Variants in SLC22A23 observed in about 807,000 individuals in gnomAD.
SLC22A23 encodes solute carrier family 22 member 23, also known as ion transporter protein.
SLC22A23 carries 26 observed loss-of-function variants against 61.0 expected under a neutral mutation model. That is an observed-to-expected ratio of 0.43 (90% CI 0.31 to 0.59). SLC22A23 has a LOEUF of 0.59. Ranked by LOEUF, SLC22A23 falls within the 20% of genes least tolerant of loss-of-function variation. The pLI is 0.11. For missense variants in SLC22A23, 796 were observed against 934.7 expected (o/e 0.85, Z 1.94); for synonymous variants, 430 against 413.9 (o/e 1.04, Z -0.47).
At position 3,269,340 on chromosome 6, in the gene SLC22A23, G is replaced by GCT. The variant is rs1758326495; in HGVS notation, c.*3714_*3715insAG. ...GACACAGCTTACAGAGGCGTTCAAAGTAGTGACGCAGTGAGGTCTGAATGA... is the reference window on the plus strand; with the variant it reads ...GACACAGCTTACAGAGGCGTTCAAAGCTTAGTGACGCAGTGAGGTCTGAATGA... On this transcript the variant is annotated 3_prime_UTR_variant, in exon 10 of 10. Coordinates refer to ENST00000406686, the MANE Select transcript of SLC22A23 (RefSeq NM_015482.2). 6.6e-6 allele frequency: 1 copy of GCT among 152,376 alleles called. No homozygotes were observed. Among genetic ancestry groups the GCT allele is most frequent in the Admixed American group, 6.5e-5 (1 of 15,284 alleles). 9.4% of individuals were successfully genotyped at this position (152,376 alleles called of 1,614,324 possible). A position where few individuals can be genotyped will look rare whatever the true frequency, so the allele number is the denominator to read the frequency against.
chr6:3,315,789 A>G (rs550996135), intron 4 of SLC22A23, among the ~76,000 whole-genome samples: 1 of 152,132 alleles, frequency 6.6e-6, no homozygotes, highest in African/African-American at 2.4e-5. Context: ...GCGTGAACCC[A>G]GGAGGCAGAG....
intron 3 of SLC22A23, among the ~76,000 whole-genome samples, chr6:3,359,309 G>A (rs1379442387): frequency 1.3e-5 from 2 of 152,190 alleles, no homozygotes; most frequent in African/African-American, 4.8e-5. Flanking sequence ...AGCTGGTGTT[G>A]CCACGTTTAT....
chr6:3,432,922 C>A (rs1770963423), intron 1 of SLC22A23, among the ~76,000 whole-genome samples: 1 of 152,184 alleles, frequency 6.6e-6, no homozygotes. Flanking sequence ...AGGGAACGTA[C>A]AATTCTGCAG....
intron 1 of SLC22A23, among the ~76,000 whole-genome samples, chr6:3,421,385 T>C (rs1417103618): frequency 6.6e-6 from 1 of 152,214 alleles, no homozygotes; most frequent in African/African-American, 2.4e-5. Context: ...TCACTGTTTG[T>C]AACTTATCAG....
At chr6:3,276,762 G>T (rs1260850345) in intron 9 of SLC22A23, 1 of 152,250 alleles carries the variant, frequency 6.6e-6, no homozygotes, top group African/African-American at 2.4e-5. Flanking sequence ...TATTCCATTA[G>T]ATGATTGTCA....
intron 1 of SLC22A23, among the ~76,000 whole-genome samples, chr6:3,436,312 T>A (rs1771208651): frequency 6.6e-6 from 1 of 152,126 alleles, no homozygotes. Context: ...TTTTTTGTAT[T>A]CTTAGTAGAG....
Position 3,324,049 on chromosome 6 carries a change from G to A in SLC22A23, c.914-47C>T, listed in dbSNP as rs908431655. On this transcript the variant is annotated intron_variant, in intron 3 of 9. Transcript: ENST00000406686. The surrounding 1 kb of genome is among the most constrained non-coding windows in gnomAD (Gnocchi z 4.3). The stretch of plus-strand genomic sequence containing the variant: ...AGAGAGATGAGTGCCCTGCTCGACA[G>A]CCCGAGAAGTCCTGGGTGCACCTGG... The A allele has an allele frequency of 6.3e-7, 1 of 1,596,676 alleles. No individual in the cohort carries two copies. Among genetic ancestry groups the A allele is most frequent in the Non-Finnish European group, 8.6e-7 (1 of 1,167,668 alleles).
Position 3,360,387 on chromosome 6 carries a change from C to T in SLC22A23, c.914-36385G>A, listed in dbSNP as rs555670771. On this transcript the variant is annotated intron_variant, in intron 3 of 9. Coordinates refer to ENST00000406686, the MANE Select transcript of SLC22A23 (RefSeq NM_015482.2). This position sits in a 1 kb window ranked among gnomAD's most constrained non-coding sequence, Gnocchi z 4.6. ...AGCTGTGCCCCGCCCACCCATCCACCCAAGGATCCTTAAACTCAGGAGGAT... is the reference window on the plus strand; with the variant it reads ...AGCTGTGCCCCGCCCACCCATCCACTCAAGGATCCTTAAACTCAGGAGGAT... Among the ~76,000 whole-genome samples, 40 of 152,284 alleles carry T rather than the reference C, an allele frequency of 2.6e-4. No homozygotes were observed. Among genetic ancestry groups the T allele is most frequent in the African/African-American group, 8.9e-4 (37 of 41,578 alleles).
intron 3 of SLC22A23, among the ~76,000 whole-genome samples, chr6:3,403,349 T>TG (rs1486080813): frequency 2.7e-5 from 4 of 149,662 alleles, no homozygotes; most frequent in Admixed American, 1.3e-4. Context: ...TGTCCAGGTG[T>TG]GGAAAAAAAA....
chr6:3,292,225 G>A (rs564620273), intron 5 of SLC22A23, among the ~76,000 whole-genome samples: 2 of 152,288 alleles, frequency 1.3e-5, no homozygotes, highest in Non-Finnish European at 2.9e-5. Context: ...TCAAATCCTC[G>A]AGTGCTTCTG....
chr6:3,425,763 C>T (rs1311804274), intron 1 of SLC22A23, among the ~76,000 whole-genome samples: 1 of 152,124 alleles, frequency 6.6e-6, no homozygotes, highest in Admixed American at 6.5e-5. Context: ...CCAGTATGTC[C>T]ATTTCACAGA....
At chr6:3,379,630 CCATT>C (rs1255853370) in intron 3 of SLC22A23, among the ~76,000 whole-genome samples, 1 of 152,074 alleles carries the variant, frequency 6.6e-6, no homozygotes, top group Non-Finnish European at 1.5e-5. Context: ...TGAAATGCTG[CCATT>C]TGTTCCTTTC....
intron 4 of SLC22A23, chr6:3,323,569 G>A: frequency 3.7e-6 from 2 of 541,256 alleles, no homozygotes; most frequent in Non-Finnish European, 6.6e-6. Context: ...GAAGGGGTGA[G>A]CCAGACTGGC....
intron 3 of SLC22A23, among the ~76,000 whole-genome samples, chr6:3,404,040 A>G (rs1455911435): frequency 6.6e-6 from 1 of 152,204 alleles, no homozygotes; most frequent in African/African-American, 2.4e-5. Context: ...TTTGTTTCAA[A>G]TGAAGCACAG....
rs934426982 is a variant in SLC22A23 at position 3,333,071 on chromosome 6, C to T, written c.914-9069G>A. Among the ~76,000 whole-genome samples, 8 of 152,200 alleles carry T rather than the reference C, an allele frequency of 5.3e-5. No homozygotes were observed. The highest frequency in any genetic ancestry group is 2.6e-4 in the Admixed American group (4 of 15,280). On this transcript the variant is annotated intron_variant, in intron 3 of 9. Coordinates refer to ENST00000406686, the MANE Select transcript of SLC22A23 (RefSeq NM_015482.2). The surrounding 1 kb of genome is among the most constrained non-coding windows in gnomAD (Gnocchi z 4.1). ...GCAGGAGGTCACCTACTGGGAATGA[C>T]GCTACCACTGACCCATGGAGCAAAG...
chr6:3,276,288 G>T (rs2127289210), intron 9 of SLC22A23, among the ~76,000 whole-genome samples: 1 of 152,356 alleles, frequency 6.6e-6, no homozygotes, highest in South Asian at 2.1e-4. Flanking sequence ...TGCCAGGCTT[G>T]CAGCCCTAGG....
intron 1 of SLC22A23, among the ~76,000 whole-genome samples, chr6:3,417,800 G>A (rs954345295): frequency 6.6e-6 from 1 of 152,210 alleles, no homozygotes; most frequent in Non-Finnish European, 1.5e-5. Flanking sequence ...AAGCAAAAAC[G>A]CTGTGGGAAC....
chr6:3,395,535 T>C (rs1767950863), intron 3 of SLC22A23, among the ~76,000 whole-genome samples: 1 of 152,206 alleles, frequency 6.6e-6, no homozygotes, highest in Non-Finnish European at 1.5e-5. Flanking sequence ...TACTTTAAAG[T>C]AATGCCACAA....
intron 1 of SLC22A23, among the ~76,000 whole-genome samples, chr6:3,419,443 T>C (rs1235836980): frequency 6.6e-6 from 1 of 152,234 alleles, no homozygotes; most frequent in African/African-American, 2.4e-5. Flanking sequence ...ATTTTGGTCC[T>C]GCCAATCAGG....
Sources: gnomAD v4.1 joint callset for allele counts (sites outside exome capture counted in the v4.1 genomes callset) on GRCh38, gnomAD v4.1.1 for gene constraint, Gnocchi (gnomAD v3.1) non-coding constraint, MANE v1.5 for transcripts, NCBI Gene and HGNC (gene_info 2026-07-23, HGNC 2026-07-21) for gene names.